LGSN: variants seen among roughly 807,000 people sequenced by gnomAD.
LGSN encodes lengsin, lens protein with glutamine synthetase domain, also known as lengsin.
In LGSN, 21 loss-of-function variants were observed where a neutral mutation model predicts 19.5. The ratio of observed to expected loss-of-function variants is 1.07; its 90% confidence interval spans 0.76 to 1.55. The LOEUF is 1.55. LGSN is among the 40% of genes most tolerant of loss of function. LGSN has a pLI of 0.00. For missense variants in LGSN, 673 were observed against 608.5 expected, an observed-to-expected ratio of 1.11 and a Z score of -1.12; for synonymous variants, 257 against 215.6, an observed-to-expected ratio of 1.19 and a Z score of -1.68.
At chr6:63,365,014 C>A in the LGSN span, among the ~76,000 whole-genome samples, 342 of 152,174 alleles carry the variant, frequency 2.2e-3, 2 homozygotes, top group African/African-American at 7.8e-3. Context: ...CCTAACATCA[C>A]AATTAAAAGA....
At chr6:63,553,710 A>T in the LGSN span, among the ~76,000 whole-genome samples, 2 of 152,194 alleles carry the variant, frequency 1.3e-5, no homozygotes, top group South Asian at 4.1e-4. Flanking sequence ...ATCTTTGTGT[A>T]TAGGAGCAGG....
chr6:63,437,412 T>C, the LGSN span, among the ~76,000 whole-genome samples: 1 of 152,154 alleles, frequency 6.6e-6, no homozygotes, highest in African/African-American at 2.4e-5. Context: ...TCTGGTTTTA[T>C]TGTTTTTTGT....
chr6:63,547,093 A>G, the LGSN span, among the ~76,000 whole-genome samples: 1 of 151,898 alleles, frequency 6.6e-6, no homozygotes, highest in Non-Finnish European at 1.5e-5. Context: ...CACAGGCACC[A>G]TTTTGGCTCT....
intron 3 of LGSN, among the ~76,000 whole-genome samples, chr6:63,284,290 G>A (rs1380038729): frequency 6.6e-6 from 1 of 150,486 alleles, no homozygotes; most frequent in Non-Finnish European, 1.5e-5. Context: ...AAATTCTCAT[G>A]ATAAACTTTT....
chr6:63,469,877 C>T, the LGSN span, among the ~76,000 whole-genome samples: 1 of 152,046 alleles, frequency 6.6e-6, no homozygotes, highest in African/African-American at 2.4e-5. Context: ...CCACCACACC[C>T]GGCTAATTTT....
chr6:63,294,393 T>A (rs1049096746), intron 2 of LGSN, among the ~76,000 whole-genome samples: 2 of 152,118 alleles, frequency 1.3e-5, no homozygotes, highest in Non-Finnish European at 2.9e-5. Flanking sequence ...TACTAAAATC[T>A]GACTGCTTTT....
chr6:63,458,308 C>T, the LGSN span, among the ~76,000 whole-genome samples: 1 of 152,138 alleles, frequency 6.6e-6, no homozygotes, highest in Non-Finnish European at 1.5e-5. Flanking sequence ...CTCAGGTGAT[C>T]CACCCACCTC....
the LGSN span, among the ~76,000 whole-genome samples, chr6:63,386,393 T>A: frequency 6.6e-6 from 1 of 152,140 alleles, no homozygotes. Context: ...CTTTTTAATT[T>A]TTATTTTACT....
At chr6:63,355,075 A>G in the LGSN span, among the ~76,000 whole-genome samples, 2 of 152,176 alleles carry the variant, frequency 1.3e-5, no homozygotes, top group South Asian at 4.1e-4. Flanking sequence ...GTAAACAACA[A>G]TGTATTGTAT....
At position 63,279,846 on chromosome 6, in the gene LGSN, T is replaced by A. The variant is rs1767218619; in HGVS notation, c.*175A>T. The A allele has an allele frequency of 1.7e-6, 1 of 571,864 alleles. No individual in the cohort carries two copies. Among genetic ancestry groups the A allele is most frequent in the Non-Finnish European group, 3.1e-6 (1 of 327,236 alleles). The allele number at this position is 571,864 out of a possible 1,614,324, so 35.4% of individuals were successfully genotyped here. On this transcript the variant is annotated 3_prime_UTR_variant, in exon 4 of 4. Coordinates refer to ENST00000370657, the MANE Select transcript of LGSN (RefSeq NM_016571.3). Reference sequence around the variant, plus strand: ...GTTGTTTGTTTCTGTTATCAGAATCTTCTCAGCAGTCCTACTTCATCTGTC... The same window carrying A: ...GTTGTTTGTTTCTGTTATCAGAATCATCTCAGCAGTCCTACTTCATCTGTC...
At chr6:63,349,063 T>C in the LGSN span, among the ~76,000 whole-genome samples, 1 of 152,138 alleles carries the variant, frequency 6.6e-6, no homozygotes, top group South Asian at 2.1e-4. Flanking sequence ...GAGCTTACTG[T>C]GCACAGAAAA....
the LGSN span, among the ~76,000 whole-genome samples, chr6:63,452,653 T>TTCTC: frequency 0.094 from 13,865 of 147,816 alleles, 1,910 homozygotes; most frequent in African/African-American, 0.3. Context: ...TATGTTATCT[T>TTCTC]TCTCTCTCTC....
the LGSN span, among the ~76,000 whole-genome samples, chr6:63,539,021 T>C: frequency 6.6e-6 from 1 of 152,134 alleles, no homozygotes; most frequent in African/African-American, 2.4e-5. Context: ...GCTTCCCACA[T>C]AGCTGGGATT....
the LGSN span, among the ~76,000 whole-genome samples, chr6:63,526,635 C>G: frequency 2.0e-5 from 3 of 151,536 alleles, no homozygotes; most frequent in Non-Finnish European, 4.4e-5. Flanking sequence ...TGGTGAAACC[C>G]TGTCTCTACT....
At chr6:63,458,594 G>C in the LGSN span, among the ~76,000 whole-genome samples, 1 of 152,120 alleles carries the variant, frequency 6.6e-6, no homozygotes, top group Admixed American at 6.6e-5. Flanking sequence ...GCTAAGGTTG[G>C]AGGACTGTGT....
chr6:63,301,402 T>C (rs1768179565), intron 1 of LGSN, among the ~76,000 whole-genome samples: 1 of 152,058 alleles, frequency 6.6e-6, no homozygotes, highest in Non-Finnish European at 1.5e-5. Flanking sequence ...AAAAATAATT[T>C]TGTCTAGTTT....
At chr6:63,449,323 G>T in the LGSN span, among the ~76,000 whole-genome samples, 3 of 152,084 alleles carry the variant, frequency 2.0e-5, no homozygotes, top group African/African-American at 4.8e-5. Flanking sequence ...GAGGCGGGCG[G>T]ATCACAAGGT....
At chr6:63,505,747 C>T in the LGSN span, among the ~76,000 whole-genome samples, 1 of 152,136 alleles carries the variant, frequency 6.6e-6, no homozygotes, top group Non-Finnish European at 1.5e-5. Context: ...GCAACCTCTT[C>T]CTTCCGAGTT....
chr6:63,291,140 T>A (rs1011761388), intron 2 of LGSN, among the ~76,000 whole-genome samples: 1 of 152,070 alleles, frequency 6.6e-6, no homozygotes, highest in South Asian at 2.1e-4. Flanking sequence ...AAACCACTTA[T>A]GGGAGGGGGA....
Sources: allele counts gnomAD v4.1 joint callset (sites outside exome capture counted in the v4.1 genomes callset), GRCh38; gene constraint gnomAD v4.1.1; transcripts MANE v1.5; gene names NCBI Gene and HGNC (gene_info 2026-07-23, HGNC 2026-07-21).